Variants in CLNK observed in about 807,000 individuals in gnomAD.
The protein encoded by CLNK is cytokine dependent hematopoietic cell linker, also known as cytokine-dependent hematopoietic cell linker.
In CLNK, 74 loss-of-function variants were observed where a neutral mutation model predicts 68.6. The observed-to-expected ratio is 1.08, with a 90% confidence interval of 0.89 to 1.31. The LOEUF is 1.31. Among genes scored for constraint, CLNK ranks in the 50% most tolerant of loss-of-function variants. The pLI is 0.00. For synonymous variants in CLNK, 198 were observed against 172.2 expected, an observed-to-expected ratio of 1.15 and a Z score of -1.17; for missense variants, 553 against 515.3, an observed-to-expected ratio of 1.07 and a Z score of -0.71.
intron 2 of CLNK, among the ~76,000 whole-genome samples, chr4:10,644,886 C>T (rs1251424156): frequency 1.3e-5 from 2 of 152,158 alleles, no homozygotes; most frequent in Admixed American, 6.5e-5. Context: ...GATTCATATA[C>T]TTCTTAAGTA....
At chr4:10,722,014 A>C in the CLNK span, among the ~76,000 whole-genome samples, 5 of 152,118 alleles carry the variant, frequency 3.3e-5, no homozygotes, top group Non-Finnish European at 7.4e-5. Context: ...CCATCTCTAC[A>C]AAAAATACAA....
At chr4:10,571,831 C>T in intron 4 of CLNK, 53 bp from the exon 5 acceptor site, 2 of 1,405,032 alleles carry the variant, frequency 1.4e-6, no homozygotes, top group South Asian at 1.2e-5. Context: ...TAGCTCCAAA[C>T]ATCAAAAAGA....
At chr4:10,689,147 T>C (rs116412425), upstream of CLNK, among the ~76,000 whole-genome samples, 286 of 152,134 alleles carry the variant, frequency 1.9e-3, 1 homozygote, top group African/African-American at 6.6e-3. Context: ...CTTTTTTTTT[T>C]TCGGGGGCGA....
In CLNK at chr4:10,591,590, G is replaced by A. The variant is rs763676; in HGVS notation, c.83+6388C>T. Among the ~76,000 whole-genome samples, 1,194 of 152,306 alleles carry A rather than the reference G, an allele frequency of 7.8e-3. 21 individuals are homozygous for A. The highest frequency in any genetic ancestry group is 0.065 in the East Asian group (336 of 5,182). On this transcript the variant is annotated intron_variant, in intron 3 of 18. Transcript: ENST00000226951. ...AAAAGAGGGCATCCCAAAGTGAGAC[G>A]GGCCAGAGATACACTGCAGATCATG...
chr4:10,697,966 G>C, the CLNK span, among the ~76,000 whole-genome samples: 3 of 152,192 alleles, frequency 2.0e-5, no homozygotes, highest in Non-Finnish European at 2.9e-5. Flanking sequence ...ACAGAACCAT[G>C]AAGACCAGAA....
In CLNK at chr4:10,537,695, C is replaced by CT. The variant is rs771697608; in HGVS notation, c.602+2798dup. Among the ~76,000 whole-genome samples the CT allele has an allele frequency of 3.7e-3, 242 of 66,188 alleles. 3 individuals are homozygous for CT. Among genetic ancestry groups the CT allele is most frequent in the Middle Eastern group, 7.5e-3 (1 of 134 alleles). The allele number at this position is 66,188 out of a possible 152,430, so 43.4% of individuals were successfully genotyped here. On this transcript the variant is annotated intron_variant, in intron 11 of 18. Coordinates refer to ENST00000226951, the MANE Select transcript of CLNK (RefSeq NM_052964.4). ...TCTTTCTTTCTTCCTTCCTTCCTTC[C>CT]TTCCTTCCTTCCTTTCTTTCTTTCT...
At chr4:10,668,740 C>T (rs553009699) in intron 1 of CLNK, among the ~76,000 whole-genome samples, 11 of 152,194 alleles carry the variant, frequency 7.2e-5, no homozygotes, top group Admixed American at 4.6e-4. Flanking sequence ...TTCTGGGTTG[C>T]GGGTAGAGGA....
chr4:10,639,953 C>T (rs935841482), intron 2 of CLNK, among the ~76,000 whole-genome samples: 1 of 152,192 alleles, frequency 6.6e-6, no homozygotes, highest in Non-Finnish European at 1.5e-5. Flanking sequence ...TCCAGAGGTG[C>T]CTAATTTCTA....
chr4:10,641,884 G>C (rs1169343903), intron 2 of CLNK, among the ~76,000 whole-genome samples: 1 of 152,126 alleles, frequency 6.6e-6, no homozygotes, highest in Non-Finnish European at 1.5e-5. Context: ...GAGATCTGAT[G>C]GTTTTACAAA....
chr4:10,689,480 A>G (rs1253946504), upstream of CLNK, among the ~76,000 whole-genome samples: 2 of 152,262 alleles, frequency 1.3e-5, no homozygotes, highest in African/African-American at 2.4e-5. Flanking sequence ...TGAAGAAAGA[A>G]GTCTTTGGTT....
intron 2 of CLNK, among the ~76,000 whole-genome samples, chr4:10,618,234 C>T (rs1001087428): frequency 6.6e-6 from 1 of 152,076 alleles, no homozygotes; most frequent in Non-Finnish European, 1.5e-5. Flanking sequence ...CAACTAACCT[C>T]AAAAATATCA....
At chr4:10,520,712 C>A in intron 15 of CLNK, 79 bp downstream of exon 15, 3 of 1,107,128 alleles carry the variant, frequency 2.7e-6, no homozygotes, top group Non-Finnish European at 1.4e-6. Context: ...CTGGGGTTCA[C>A]AACAGCTAAG....
the CLNK span, among the ~76,000 whole-genome samples, chr4:10,693,903 T>A: frequency 6.6e-6 from 1 of 152,144 alleles, no homozygotes. Flanking sequence ...AGATCGCAGT[T>A]TGAAACCATT....
At chr4:10,649,919 GA>G (rs1261203698) in intron 2 of CLNK, among the ~76,000 whole-genome samples, 5 of 152,002 alleles carry the variant, frequency 3.3e-5, no homozygotes, top group African/African-American at 1.2e-4. Context: ...AGCAAAGTGA[GA>G]ACTAGAAGAA....
At chr4:10,672,432 T>C (rs1375962907) in intron 1 of CLNK, among the ~76,000 whole-genome samples, 3 of 152,176 alleles carry the variant, frequency 2.0e-5, no homozygotes, top group Non-Finnish European at 4.4e-5. Context: ...CCCTTAGGAC[T>C]CTTATGAAGA....
At chr4:10,652,646 G>A (rs11725559) in intron 2 of CLNK, among the ~76,000 whole-genome samples, 63,736 of 151,932 alleles carry the variant, frequency 0.42, 14,303 homozygotes, top group Non-Finnish European at 0.51. Context: ...CACCAGGAGG[G>A]AATAATAGTT....
intron 2 of CLNK, among the ~76,000 whole-genome samples, chr4:10,655,505 T>C (rs1340277518): frequency 6.6e-6 from 1 of 152,074 alleles, no homozygotes; most frequent in Non-Finnish European, 1.5e-5. Context: ...AAAGTTATAC[T>C]AATTAGGACA....
chr4:10,587,613 A>C (rs902660155), intron 3 of CLNK, among the ~76,000 whole-genome samples: 8 of 152,228 alleles, frequency 5.3e-5, no homozygotes, highest in Non-Finnish European at 1.0e-4. Flanking sequence ...CACGGTCTAC[A>C]AGTTGAGTCT....
upstream of CLNK, among the ~76,000 whole-genome samples, chr4:10,689,077 C>G (rs925092829): frequency 6.6e-6 from 1 of 152,066 alleles, no homozygotes; most frequent in Non-Finnish European, 1.5e-5. Context: ...AAAACCTTAC[C>G]TAACCTTACC....
Sources: gnomAD v4.1 joint callset for allele counts (sites outside exome capture counted in the v4.1 genomes callset) on GRCh38, gnomAD v4.1.1 for gene constraint, MANE v1.5 for transcripts, NCBI Gene and HGNC (gene_info 2026-07-23, HGNC 2026-07-21) for gene names.